Variants in UNC80 observed in about 807,000 individuals in gnomAD.
The protein encoded by UNC80 is protein unc-80 homolog.
A neutral mutation model predicts 384.6 loss-of-function variants in UNC80; 164 were observed. The observed-to-expected ratio is 0.43, with a 90% confidence interval of 0.38 to 0.49. UNC80 has a LOEUF of 0.49. UNC80 is among the 20% of genes least tolerant of loss of function. UNC80 has a pLI of 0.00. For synonymous variants in UNC80, 1,486 were observed against 1,527.8 expected (o/e 0.97, Z 0.64); for missense variants, 3,330 against 4,143.0 (o/e 0.80, Z 5.39).
intron 24 of UNC80, among the ~76,000 whole-genome samples, chr2:209,879,906 A>G (rs533834129): frequency 1.2e-4 from 19 of 152,320 alleles, no homozygotes; most frequent in Admixed American, 1.2e-3. Context: ...GAAAGACCGT[A>G]ATTTCCACCT....
intron 22 of UNC80, among the ~76,000 whole-genome samples, chr2:209,852,590 G>C (rs1033531794): frequency 2.6e-5 from 4 of 152,140 alleles, no homozygotes; most frequent in African/African-American, 7.2e-5. Context: ...AGGAACTAAA[G>C]GGGCTGGTGA....
At chr2:209,804,325 A>G (rs1395995069) in intron 7 of UNC80, among the ~76,000 whole-genome samples, 4 of 152,162 alleles carry the variant, frequency 2.6e-5, no homozygotes, top group Non-Finnish European at 5.9e-5. Context: ...ACTCAGTGCT[A>G]TTCCTGCCCA....
At chr2:209,789,226 G>GA (rs113415959) in intron 5 of UNC80, among the ~76,000 whole-genome samples, 22,286 of 151,982 alleles carry the variant, frequency 0.15, 2,445 homozygotes, top group African/African-American at 0.3. Flanking sequence ...AAAATGCTTA[G>GA]GAACTTTGCA....
intron 59 of UNC80, among the ~76,000 whole-genome samples, chr2:209,979,683 T>A (rs2093109583): frequency 6.6e-6 from 1 of 152,248 alleles, no homozygotes; most frequent in African/African-American, 2.4e-5. Flanking sequence ...TCCATTAAAA[T>A]GCTACTGTCA....
At position 209,831,558 on chromosome 2, in the gene UNC80, A is replaced by C; in HGVS notation, c.2742A>C (p.Ser914=). The C allele has an allele frequency of 6.5e-7, 1 of 1,550,084 alleles. No homozygotes were observed. The highest frequency in any genetic ancestry group is 8.7e-7 in the Non-Finnish European group (1 of 1,146,272). Residue 914 remains serine (S), a synonymous_variant, in exon 16 of 65, where the codon TCA becomes TCC. Transcript: ENST00000673920. ...MFKSLITRCA[S]TTHELHSPEN... ...AATCCCTCATCACACGCTGCGCTTCAACCACACATGAATTGCACAGCCCTG... is the reference window on the plus strand; with the variant it reads ...AATCCCTCATCACACGCTGCGCTTCCACCACACATGAATTGCACAGCCCTG...
chr2:209,928,075 C>T (rs1224829222), intron 36 of UNC80, among the ~76,000 whole-genome samples: 3 of 152,114 alleles, frequency 2.0e-5, no homozygotes, highest in African/African-American at 7.2e-5. Context: ...GTGGCTCATG[C>T]TTGTAATCCC....
chr2:209,904,971 T>C lies in UNC80; in HGVS notation c.4782+6T>C, dbSNP rs1384191795. 1 of 1,551,234 alleles carries C rather than the reference T, an allele frequency of 6.4e-7. No homozygotes were observed. The highest frequency in any genetic ancestry group is 8.7e-7 in the Non-Finnish European group (1 of 1,146,744). ...GGGGCAAGAAACAGAAAGAAGTAAG[T>C]AAATGACCATTGAATGATATTCTAA... On this transcript the variant is annotated splice_donor_region_variant and intron_variant, in intron 29 of 64. Transcript: ENST00000673920.
At chr2:209,812,645 A>G (rs1483669751) in intron 7 of UNC80, among the ~76,000 whole-genome samples, 1 of 152,158 alleles carries the variant, frequency 6.6e-6, no homozygotes, top group Non-Finnish European at 1.5e-5. Flanking sequence ...TAGATTTAAG[A>G]TACCATCTTG....
chr2:209,862,322 T>C (rs1370512226), intron 22 of UNC80, among the ~76,000 whole-genome samples: 1 of 152,208 alleles, frequency 6.6e-6, no homozygotes, highest in Non-Finnish European at 1.5e-5. Flanking sequence ...GAGAGTTCTG[T>C]AGATATCTAT....
At chr2:209,941,072 T>G in intron 43 of UNC80, 149 bp from the exon 44 acceptor site, 1 of 999,946 alleles carries the variant, frequency 1.0e-6, no homozygotes, top group Non-Finnish European at 1.4e-6. Context: ...AGGCCAGTAA[T>G]ATTGTGCTGG....
Position 209,904,829 on chromosome 2 carries a change from A to G in UNC80, c.4646A>G (p.His1549Arg), listed in dbSNP as rs745948552. The G allele has an allele frequency of 1.9e-6, 3 of 1,551,810 alleles. No homozygotes were observed. Among genetic ancestry groups the G allele is most frequent in the South Asian group, 2.4e-5 (2 of 84,056 alleles). Residue 1549 changes from histidine (H) to arginine (R), a missense_variant, in exon 29 of 65, where the codon CAC becomes CGC. This residue lies in a region of UNC80 where 801 missense variants were observed against 950.8 expected (regional missense o/e 0.84). Coordinates refer to ENST00000673920, the MANE Select transcript of UNC80 (RefSeq NM_001371986.1). ...ACTCACGTTGACTACTGCCATCCCC[A>G]CTGCTACCTGCACCACAGCCGCTCC... ...ICTHVDYCHP[H>R]CYLHHSRSCA...
chr2:209,893,939 C>T (rs1188865536), intron 26 of UNC80, among the ~76,000 whole-genome samples: 1 of 152,132 alleles, frequency 6.6e-6, no homozygotes, highest in Non-Finnish European at 1.5e-5. Flanking sequence ...AGAAAGAGAG[C>T]AGGTTGTTCC....
intron 14 of UNC80, 27 bp from the exon 15 acceptor site, chr2:209,829,205 T>G (rs1319185765): frequency 1.3e-6 from 2 of 1,550,208 alleles, no homozygotes; most frequent in Non-Finnish European, 1.7e-6. Flanking sequence ...TACTTGTGAC[T>G]TTTTCACTTT....
intron 51 of UNC80, 144 bp downstream of exon 51, chr2:209,959,851 A>C: frequency 1.1e-5 from 8 of 730,572 alleles, no homozygotes; most frequent in Non-Finnish European, 1.8e-5. Context: ...GGTACACATC[A>C]TACAGAACCC....
chr2:209,930,705 A>C (rs1353147470), intron 37 of UNC80, among the ~76,000 whole-genome samples: 1 of 152,212 alleles, frequency 6.6e-6, no homozygotes, highest in Admixed American at 6.5e-5. Flanking sequence ...CTACACACAC[A>C]GTGTCAATTT....
In UNC80 at chr2:209,775,903, G is replaced by A. The variant is rs371036835; in HGVS notation, c.156G>A (p.Val52=). Residue 52 remains valine, a synonymous_variant, in exon 3 of 65, where the codon GTG becomes GTA. Transcript: ENST00000673920. ...YEASCVSFER[V]LVENKLHGLS... ...TGTATTTACAGTCCTTTGAGCGAGTGTTGGTAGAAAACAAGCTGCATGGCC... is the reference window on the plus strand; with the variant it reads ...TGTATTTACAGTCCTTTGAGCGAGTATTGGTAGAAAACAAGCTGCATGGCC... 20 of 1,613,956 alleles carry A rather than the reference G, an allele frequency of 1.2e-5. No homozygotes were observed. Among genetic ancestry groups the A allele is most frequent in the Admixed American group, 8.3e-5 (5 of 59,986 alleles).
At chr2:209,867,446 T>G (rs757154949) in intron 22 of UNC80, among the ~76,000 whole-genome samples, 2 of 152,168 alleles carry the variant, frequency 1.3e-5, no homozygotes, top group Non-Finnish European at 2.9e-5. Flanking sequence ...CCATTCTCGG[T>G]GCTCCAAACT....
In UNC80 at chr2:209,976,369, C is replaced by A; in HGVS notation, c.8772+66C>A. The A allele has an allele frequency of 6.5e-7, 1 of 1,544,182 alleles. No homozygotes were observed. The highest frequency in any genetic ancestry group is 2.4e-5 in the East Asian group (1 of 40,848). Reference sequence around the variant, plus strand: ...ATGAATGTGTGGCTCTCTACTGAGGCAGGAATATGGCAGGAGTGCTCATGG... The same window carrying A: ...ATGAATGTGTGGCTCTCTACTGAGGAAGGAATATGGCAGGAGTGCTCATGG... On this transcript the variant is annotated intron_variant, in intron 57 of 64. Coordinates refer to ENST00000673920, the MANE Select transcript of UNC80 (RefSeq NM_001371986.1). This position sits in a 1 kb window ranked among gnomAD's most constrained non-coding sequence, Gnocchi z 4.3.
chr2:209,976,857 A>G lies in UNC80; in HGVS notation c.8773-56A>G. On this transcript the variant is annotated intron_variant, in intron 57 of 64. Transcript: ENST00000673920. This position sits in a 1 kb window ranked among gnomAD's most constrained non-coding sequence, Gnocchi z 4.3. The stretch of plus-strand genomic sequence containing the variant: ...CAACAATGAAATAGGTACAGCAATT[A>G]GCCCATTTTATGGATGGAAAATTGA... 6.9e-7 allele frequency: 1 copy of G among 1,458,676 alleles called. No individual in the cohort carries two copies. Among genetic ancestry groups the G allele is most frequent in the Non-Finnish European group, 9.2e-7 (1 of 1,085,068 alleles). The allele number at this position is 1,458,676 out of a possible 1,614,324, so 90.4% of individuals were successfully genotyped here. A position where few individuals can be genotyped will look rare whatever the true frequency, so the allele number is the denominator to read the frequency against.
Sources: gnomAD v4.1 joint callset for allele counts (sites outside exome capture counted in the v4.1 genomes callset) on GRCh38, gnomAD v4.1.1 for gene constraint, gnomAD v4.1.1 regional missense constraint, Gnocchi (gnomAD v3.1) non-coding constraint, MANE v1.5 for transcripts, NCBI Gene and HGNC (gene_info 2026-07-23, HGNC 2026-07-21) for gene names.